The following NDE1 variants were observed in gnomAD, a reference collection of about 807,000 sequenced individuals.
The protein encoded by NDE1 is nudE neurodevelopment protein 1, also known as nuclear distribution protein nudE homolog 1.
Under a neutral mutation model 43.4 loss-of-function variants are expected in NDE1, and 28 were observed. The observed-to-expected ratio is 0.65, with a 90% CI of 0.48 to 0.89. NDE1 has a LOEUF of 0.89. NDE1 is among the 40% of genes least tolerant of loss of function. NDE1 has a pLI of 0.00. For synonymous variants in NDE1, 184 were observed against 172.0 expected, an observed-to-expected ratio of 1.07 and a Z score of -0.55; for missense variants, 441 against 434.1, an observed-to-expected ratio of 1.02 and a Z score of -0.14.
chr16:15,665,036 T>C (rs536958096), intron 2 of NDE1, among the ~76,000 whole-genome samples, 175 bp downstream of exon 2: 335 of 151,660 alleles, frequency 2.2e-3, no homozygotes, highest in Non-Finnish European at 4.0e-3. Flanking sequence ...GATGGGACTA[T>C]AGGTGTGCTT....
intron 1 of NDE1, among the ~76,000 whole-genome samples, chr16:15,662,280 C>CT (rs774915905): frequency 0.011 from 1,358 of 124,970 alleles, 8 homozygotes; most frequent in East Asian, 0.02. Flanking sequence ...TTTCTCTTTT[C>CT]TTTTTTTTTT....
rs780638340 is a variant in NDE1 at position 15,721,416 on chromosome 16, A to T, written c.948-2775A>T. 3.1e-6 allele frequency: 5 copies of T among 1,614,020 alleles called. No individual in the cohort carries two copies. The highest frequency in any genetic ancestry group is 1.7e-5 in the Admixed American group (1 of 60,014). Reference sequence around the variant, plus strand: ...TGGACGAGAAAAACCACCCAGAGCCACTTACGTTCTTGCCCACGTCATCCT... The same window carrying T: ...TGGACGAGAAAAACCACCCAGAGCCTCTTACGTTCTTGCCCACGTCATCCT... On this transcript the variant is annotated intron_variant, in intron 8 of 8. Transcript: ENST00000396354.
intron 8 of NDE1, among the ~76,000 whole-genome samples, chr16:15,705,117 A>G (rs1050625114): frequency 6.6e-5 from 10 of 152,290 alleles, no homozygotes; most frequent in African/African-American, 1.7e-4. Context: ...AGCTGGGACT[A>G]CATGCACGTG....
chr16:15,708,066 A>AG (rs2039561620), intron 8 of NDE1, among the ~76,000 whole-genome samples: 1 of 151,616 alleles, frequency 6.6e-6, no homozygotes, highest in African/African-American at 2.4e-5. Flanking sequence ...TCCACTCCCC[A>AG]GTCCCTGAAC....
intron 3 of NDE1, among the ~76,000 whole-genome samples, chr16:15,669,607 G>A (rs935285208): frequency 4.6e-5 from 7 of 151,800 alleles, no homozygotes; most frequent in African/African-American, 1.2e-4. Flanking sequence ...TGATCTACCC[G>A]CCTTAGCCTC....
intron 1 of NDE1, among the ~76,000 whole-genome samples, chr16:15,658,275 C>G (rs543352801): frequency 2.6e-5 from 4 of 152,364 alleles, no homozygotes; most frequent in Non-Finnish European, 4.4e-5. Context: ...AAGGTCTGGA[C>G]CTGGGCCCTC....
At chr16:15,722,300 C>G (rs1346301626) in intron 8 of NDE1, among the ~76,000 whole-genome samples, 1 of 152,154 alleles carries the variant, frequency 6.6e-6, no homozygotes, top group Non-Finnish European at 1.5e-5. Context: ...ACAAAAGTAT[C>G]CTAAGAGCCT....
chr16:15,708,739 G>T (rs914265949), intron 8 of NDE1: 3 of 1,518,832 alleles, frequency 2.0e-6, no homozygotes, highest in African/African-American at 2.7e-5. Context: ...GCAGAGGGGC[G>T]CATTGGGCAG....
At chr16:15,691,795 A>G (rs2038768315) in intron 6 of NDE1, among the ~76,000 whole-genome samples, 1 of 151,630 alleles carries the variant, frequency 6.6e-6, no homozygotes, top group Non-Finnish European at 1.5e-5. Flanking sequence ...CACCTGGCTA[A>G]CTTTTGTATT....
At chr16:15,675,776 CAA>C (rs1161901547) in intron 3 of NDE1, among the ~76,000 whole-genome samples, 2 of 152,132 alleles carry the variant, frequency 1.3e-5, no homozygotes, top group Admixed American at 6.5e-5. Context: ...GGAACAGAAT[CAA>C]GAGAGCTCGG....
At chr16:15,655,484 T>C (rs2036715532) in intron 1 of NDE1, among the ~76,000 whole-genome samples, 1 of 152,230 alleles carries the variant, frequency 6.6e-6, no homozygotes. Context: ...AAAAATCTTA[T>C]ACTTTTAAGG....
At chr16:15,684,589 C>T (rs1446902213) in intron 4 of NDE1, 1 of 143,660 alleles carries the variant, frequency 7.0e-6, no homozygotes, top group Non-Finnish European at 1.5e-5. Context: ...AAAAAAAAGG[C>T]ACTGAAGCTG....
Position 15,717,101 on chromosome 16 carries a change from C to A in NDE1, c.948-7090C>A, listed in dbSNP as rs370628647. The A allele has an allele frequency of 2.6e-4, 424 of 1,602,976 alleles. No individual in the cohort carries two copies. Among genetic ancestry groups the A allele is most frequent in the Non-Finnish European group, 3.3e-4 (387 of 1,169,868 alleles). On this transcript the variant is annotated intron_variant, in intron 8 of 8. Coordinates refer to ENST00000396354, the MANE Select transcript of NDE1 (RefSeq NM_017668.3). The stretch of plus-strand genomic sequence containing the variant: ...CACTATGACTCCTGCTGTCCATCAC[C>A]CCCCTGCAAACTGGGTTCGGAACTC...
chr16:15,673,567 C>T (rs1383150446), intron 3 of NDE1, among the ~76,000 whole-genome samples: 3 of 147,782 alleles, frequency 2.0e-5, no homozygotes, highest in Non-Finnish European at 4.4e-5. Flanking sequence ...TTTTTTTAAG[C>T]GTTGGCCTGG....
chr16:15,725,480 A>G lies in NDE1; in HGVS notation c.*1229A>G, dbSNP rs971551723. 2.3e-6 allele frequency: 1 copy of G among 428,316 alleles called. No homozygotes were observed. Among genetic ancestry groups the G allele is most frequent in the Admixed American group, 3.8e-5 (1 of 26,068 alleles). 26.5% of individuals were successfully genotyped at this position (428,316 alleles called of 1,614,324 possible). ...CTCTTTGACCCTGATGGCCAAAGCC[A>G]GAGACGCAGGCCCTAAAGGTAAAAA... On this transcript the variant is annotated 3_prime_UTR_variant, in exon 9 of 9. Transcript: ENST00000396354.
intron 8 of NDE1, chr16:15,703,139 G>A (rs1397092074): frequency 5.4e-6 from 1 of 184,756 alleles, no homozygotes; most frequent in Non-Finnish European, 1.1e-5. Flanking sequence ...ACGACATTGT[G>A]ATTTATAACC....
At chr16:15,704,308 A>C (rs574083510) in intron 8 of NDE1, among the ~76,000 whole-genome samples, 36 of 152,318 alleles carry the variant, frequency 2.4e-4, no homozygotes, top group Admixed American at 1.3e-3. Context: ...AATCATTGCC[A>C]GTCTTAAGGC....
intron 8 of NDE1, chr16:15,721,227 C>T: frequency 1.1e-6 from 1 of 926,598 alleles, no homozygotes; most frequent in East Asian, 2.6e-5. Flanking sequence ...TATCCTCGGA[C>T]CCCCCAACTC....
chr16:15,712,589 C>G (rs2039866095), intron 8 of NDE1, among the ~76,000 whole-genome samples: 1 of 152,286 alleles, frequency 6.6e-6, no homozygotes, highest in Non-Finnish European at 1.5e-5. Flanking sequence ...GAGCAAGACT[C>G]TGCCCAAAAG....
Sources: gnomAD v4.1 joint callset for allele counts (sites outside exome capture counted in the v4.1 genomes callset) on GRCh38, gnomAD v4.1.1 for gene constraint, MANE v1.5 for transcripts, NCBI Gene and HGNC (gene_info 2026-07-23, HGNC 2026-07-21) for gene names.